METTL15: variants seen among roughly 807,000 people sequenced by gnomAD.
METTL15 encodes the protein methyltransferase 15, mitochondrial 12S rRNA N4-cytidine.
A neutral mutation model predicts 38.3 loss-of-function variants in METTL15; 34 were observed. The observed-to-expected ratio is 0.89, with a 90% CI of 0.68 to 1.18. METTL15 has a LOEUF of 1.18. METTL15 is among the 50% of genes most tolerant of loss of function. The pLI is 0.00. For synonymous variants in METTL15, 162 were observed against 170.9 expected, an observed-to-expected ratio of 0.95 and a Z score of 0.41; for missense variants, 438 against 498.4, an observed-to-expected ratio of 0.88 and a Z score of 1.15.
chr11:28,124,541 A>AT (rs1852388771), intron 3 of METTL15, among the ~76,000 whole-genome samples: 1 of 152,148 alleles, frequency 6.6e-6, no homozygotes, highest in South Asian at 2.1e-4. Flanking sequence ...AAGATATGGG[A>AT]TAAGCCAACT....
intron 5 of METTL15, among the ~76,000 whole-genome samples, 154 bp from the exon 6 acceptor site, chr11:28,296,599 T>C (rs765146277): frequency 5.3e-5 from 8 of 152,126 alleles, no homozygotes; most frequent in Non-Finnish European, 8.8e-5. Flanking sequence ...AGAAAGTCTA[T>C]TTCATTTGTT....
At chr11:28,264,549 G>A (rs535043691) in intron 4 of METTL15, among the ~76,000 whole-genome samples, 2 of 152,152 alleles carry the variant, frequency 1.3e-5, no homozygotes, top group East Asian at 3.9e-4. Context: ...TCAATTTAAG[G>A]ATCAGTTGTG....
At chr11:28,253,514 T>TC (rs1299912256) in intron 4 of METTL15, among the ~76,000 whole-genome samples, 1 of 152,152 alleles carries the variant, frequency 6.6e-6, no homozygotes, top group Non-Finnish European at 1.5e-5. Context: ...TTGACTATAG[T>TC]CACCCTATTT....
At chr11:28,113,633 T>A (rs760359321) in intron 3 of METTL15, 29 bp downstream of exon 3, 1 of 1,594,442 alleles carries the variant, frequency 6.3e-7, no homozygotes, top group South Asian at 1.1e-5. Flanking sequence ...TTTTAGCAAG[T>A]TTTTGTTGAG....
At chr11:28,501,529 G>A (rs1041151620) in intron 6 of METTL15, among the ~76,000 whole-genome samples, 11 of 152,112 alleles carry the variant, frequency 7.2e-5, no homozygotes, top group African/African-American at 2.4e-4. Context: ...AATAAAAGTG[G>A]TTCTGTAGTT....
At chr11:28,460,689 T>A (rs1851206795) in intron 6 of METTL15, among the ~76,000 whole-genome samples, 1 of 151,982 alleles carries the variant, frequency 6.6e-6, no homozygotes, top group Non-Finnish European at 1.5e-5. Flanking sequence ...CAAAGATAAA[T>A]TACACATCAC....
At chr11:28,256,348 G>T (rs1298316075) in intron 4 of METTL15, among the ~76,000 whole-genome samples, 1 of 152,060 alleles carries the variant, frequency 6.6e-6, no homozygotes, top group Non-Finnish European at 1.5e-5. Flanking sequence ...TTTGTTTATT[G>T]GGAGACTTCT....
chr11:28,338,800 G>A (rs1385841580), intron 3 of METTL15, among the ~76,000 whole-genome samples: 6 of 152,084 alleles, frequency 3.9e-5, no homozygotes, highest in Non-Finnish European at 8.8e-5. Context: ...TTCAGCTTTG[G>A]TAATGACAAG....
At chr11:28,415,503 C>A (rs555823345) in intron 5 of METTL15, among the ~76,000 whole-genome samples, 2 of 152,280 alleles carry the variant, frequency 1.3e-5, no homozygotes, top group South Asian at 4.1e-4. Flanking sequence ...CTTATTCAAT[C>A]ATCAGGTGAG....
intron 3 of METTL15, among the ~76,000 whole-genome samples, chr11:28,176,185 A>G (rs1280518639): frequency 1.3e-5 from 2 of 152,122 alleles, no homozygotes; most frequent in Admixed American, 6.5e-5. Flanking sequence ...TTTAAAAAAT[A>G]TAGATAGACT....
chr11:28,327,941 C>T (rs1010657899), intron 6 of METTL15: 17 of 633,008 alleles, frequency 2.7e-5, no homozygotes, highest in Non-Finnish European at 3.9e-5. Flanking sequence ...TATGTTGAAC[C>T]ATCATTTTAA....
chr11:28,153,561 A>G (rs1334015240), intron 3 of METTL15, among the ~76,000 whole-genome samples: 1 of 152,166 alleles, frequency 6.6e-6, no homozygotes, highest in Non-Finnish European at 1.5e-5. Flanking sequence ...AATAGATAAA[A>G]GAAAAATTTG....
chr11:28,526,217 C>T (rs1014364839), intron 6 of METTL15, among the ~76,000 whole-genome samples: 1 of 152,210 alleles, frequency 6.6e-6, no homozygotes, highest in African/African-American at 2.4e-5. Flanking sequence ...TCAACCAGCC[C>T]AGAGAGGGGT....
At chr11:28,208,802 G>C (rs981558516) in intron 3 of METTL15, among the ~76,000 whole-genome samples, 3 of 151,970 alleles carry the variant, frequency 2.0e-5, no homozygotes, top group African/African-American at 7.2e-5. Flanking sequence ...CCTAGAAGAA[G>C]GAGTAAACTA....
intron 3 of METTL15, among the ~76,000 whole-genome samples, chr11:28,194,184 C>CTTTCTTTTTTTCTTTT (rs1851818184): frequency 3.7e-5 from 1 of 27,018 alleles, no homozygotes; most frequent in Non-Finnish European, 6.7e-5. Flanking sequence ...TTTTCTCTCT[C>CTTTCTTTTTTTCTTTT]TCTCTCTCCT....
At chr11:28,428,380 G>A (rs191580910) in intron 6 of METTL15, among the ~76,000 whole-genome samples, 5 of 152,226 alleles carry the variant, frequency 3.3e-5, no homozygotes, top group East Asian at 1.9e-4. Flanking sequence ...GTCTATTGTC[G>A]ACCAAAATGT....
chr11:28,503,548 T>G (rs1851601634), intron 6 of METTL15, among the ~76,000 whole-genome samples: 1 of 152,142 alleles, frequency 6.6e-6, no homozygotes, highest in South Asian at 2.1e-4. Flanking sequence ...ATCCCAGCAC[T>G]TTGGGAGGCC....
At chr11:28,167,844 C>G (rs1299997778) in intron 3 of METTL15, among the ~76,000 whole-genome samples, 1 of 151,516 alleles carries the variant, frequency 6.6e-6, no homozygotes, top group Non-Finnish European at 1.5e-5. Context: ...CTTAGATTTT[C>G]TTTTATCCAA....
chr11:28,306,618 A>G (rs1857091085), intron 6 of METTL15, among the ~76,000 whole-genome samples: 1 of 152,046 alleles, frequency 6.6e-6, no homozygotes, highest in African/African-American at 2.4e-5. Flanking sequence ...CACTCCTTAA[A>G]GTAGTAGTGT....
Sources: gnomAD v4.1 joint callset for allele counts (sites outside exome capture counted in the v4.1 genomes callset) on GRCh38, gnomAD v4.1.1 for gene constraint, MANE v1.5 for transcripts, NCBI Gene and HGNC (gene_info 2026-07-23, HGNC 2026-07-21) for gene names.